The following HIVEP3 variants were observed in gnomAD, a reference collection of about 807,000 sequenced individuals.
HIVEP3 encodes the protein HIVEP zinc finger 3.
In HIVEP3, 49 loss-of-function variants were observed where a neutral mutation model predicts 152.8. The observed-to-expected ratio is 0.32, with a 90% confidence interval of 0.26 to 0.41. The LOEUF is 0.41. Among genes scored for constraint, HIVEP3 ranks in the 10% least tolerant of loss-of-function variants. The probability of loss-of-function intolerance (pLI) is 1.00; values close to 1 mark genes in which losing one functional copy is unlikely to be tolerated. For missense variants in HIVEP3, 2,790 were observed against 3,103.3 expected, an observed-to-expected ratio of 0.90 and a Z score of 2.40; for synonymous variants, 1,269 against 1,289.0, an observed-to-expected ratio of 0.98 and a Z score of 0.33.
intron 1 of HIVEP3, among the ~76,000 whole-genome samples, chr1:41,907,821 G>C (rs1644738388): frequency 6.6e-6 from 1 of 152,214 alleles, no homozygotes; most frequent in Non-Finnish European, 1.5e-5. Flanking sequence ...CATGGAAGTT[G>C]AGTTCAGCCA....
At chr1:41,549,129 T>C (rs1643869655) in intron 5 of HIVEP3, among the ~76,000 whole-genome samples, 1 of 151,872 alleles carries the variant, frequency 6.6e-6, no homozygotes. Flanking sequence ...CGGTATTTCG[T>C]TCTCTGTCCT....
intron 1 of HIVEP3, among the ~76,000 whole-genome samples, chr1:41,739,989 C>T (rs1269250403): frequency 1.3e-5 from 2 of 152,198 alleles, no homozygotes; most frequent in Non-Finnish European, 2.9e-5. Flanking sequence ...CACGGCATAA[C>T]CAGGAAGTTG....
intron 1 of HIVEP3, among the ~76,000 whole-genome samples, chr1:41,810,457 A>G (rs756384629): frequency 1.1e-4 from 16 of 152,200 alleles, no homozygotes; most frequent in Non-Finnish European, 1.6e-4. Context: ...ACAAATGTCC[A>G]TCTTAGGTCC....
At chr1:41,524,992 A>G in intron 5 of HIVEP3, 82 bp from the exon 6 acceptor site, 2 of 1,282,878 alleles carry the variant, frequency 1.6e-6, no homozygotes, top group East Asian at 2.3e-5. Context: ...CGCGCTTCCT[A>G]GATTCATCCA....
Position 41,796,462 on chromosome 1 carries a change from C to T in HIVEP3, c.-800-95467G>A, listed in dbSNP as rs1182678132. Among the ~76,000 whole-genome samples, 6 of 152,232 alleles carry T rather than the reference C, an allele frequency of 3.9e-5. No homozygotes were observed. The East Asian group carries it at 9.6e-4, about 24-fold the overall frequency. The stretch of plus-strand genomic sequence containing the variant: ...GCCCTGCCACTAACTACCTCCTGGT[C>T]GATTCTTTTTCCGTAAAATGAGGGG... On this transcript the variant is annotated intron_variant, in intron 1 of 8. Coordinates refer to ENST00000372583, the MANE Select transcript of HIVEP3 (RefSeq NM_024503.5).
intron 1 of HIVEP3, among the ~76,000 whole-genome samples, chr1:41,897,937 GGGAGAGA>G (rs1644556886): frequency 3.8e-5 from 4 of 104,818 alleles, no homozygotes; most frequent in African/African-American, 1.2e-4. Context: ...CTGAGAGAGA[GGGAGAGA>G]GAGAGAGAGA....
intron 1 of HIVEP3, among the ~76,000 whole-genome samples, chr1:41,810,945 T>G (rs577598623): frequency 1.3e-5 from 2 of 152,372 alleles, no homozygotes; most frequent in East Asian, 3.9e-4. Context: ...CCTTTGGATC[T>G]TGCCTGTCCT....
intron 1 of HIVEP3, among the ~76,000 whole-genome samples, chr1:41,757,168 C>T (rs954573712): frequency 1.3e-5 from 2 of 150,150 alleles, no homozygotes; most frequent in African/African-American, 2.4e-5. Flanking sequence ...CAGGCTGGAG[C>T]GCAGTGGCGT....
rs146729329 is a variant in HIVEP3 at position 41,584,530 on chromosome 1, C to T, written c.268G>A (p.Val90Ile). Residue 90 changes from valine to isoleucine, a missense_variant, in exon 4 of 9, where the codon GTC (valine) becomes ATC (isoleucine). Val to Ile is a conservative substitution (Grantham distance 29). Around this residue, in one of 9 missense-constraint regions of HIVEP3, gnomAD observed 209 missense variants for 237.0 expected, o/e 0.88. Coordinates refer to ENST00000372583, the MANE Select transcript of HIVEP3 (RefSeq NM_024503.5). This position sits in a 1 kb window ranked among gnomAD's most constrained non-coding sequence, Gnocchi z 5.2. ...PPKRPPIEAS[V>I]HISQLPQHPL... ...TGCTGCGGAAGCTGTGAGATGTGGA[C>T]GGATGCTTCGATGGGGGGCCTTTTG... 122 of 1,613,896 alleles carry T rather than the reference C, an allele frequency of 7.6e-5. No homozygotes were observed. The highest frequency in any genetic ancestry group is 1.6e-4 in the Middle Eastern group (1 of 6,084).
At chr1:41,848,437 G>C (rs1570660596) in intron 1 of HIVEP3, 1 of 152,216 alleles carries the variant, frequency 6.6e-6, no homozygotes, top group Non-Finnish European at 1.5e-5. Context: ...TCTTGGTCAT[G>C]GCTGGTACCT....
chr1:41,922,585 G>A (rs1178699059), upstream of HIVEP3, among the ~76,000 whole-genome samples: 2 of 152,068 alleles, frequency 1.3e-5, no homozygotes, highest in Non-Finnish European at 2.9e-5. Context: ...AACAAAATAT[G>A]TGGTCAAATA....
At chr1:41,539,910 A>G (rs1353107003) in intron 5 of HIVEP3, among the ~76,000 whole-genome samples, 3 of 152,252 alleles carry the variant, frequency 2.0e-5, no homozygotes, top group African/African-American at 7.2e-5. Context: ...CAGAAATTAT[A>G]TCGTAGAAAC....
At chr1:41,957,752 T>C (rs182823405) in intron 1 of HIVEP3, among the ~76,000 whole-genome samples, 101 of 152,242 alleles carry the variant, frequency 6.6e-4, no homozygotes, top group South Asian at 3.3e-3. Context: ...AATCCAAAAA[T>C]CCTTCTAGAT....
Position 42,016,198 on chromosome 1 carries a change from T to C in HIVEP3, n.119+19609A>G, listed in dbSNP as rs1645521678. On this transcript the variant is annotated intron_variant and non_coding_transcript_variant, in intron 1 of 3. Transcript: ENST00000489103. Reference sequence around the variant, plus strand: ...AGAAAAAGGTCGAGTTTCCACGTTTTATTCTCTATGTGCTCCTCATTGTTT... The same window carrying C: ...AGAAAAAGGTCGAGTTTCCACGTTTCATTCTCTATGTGCTCCTCATTGTTT... Among the ~76,000 whole-genome samples, 3 of 152,358 alleles carry C rather than the reference T, an allele frequency of 2.0e-5. No individual in the cohort carries two copies. The South Asian group carries it at 6.2e-4, about 32-fold the overall frequency.
rs559780550 is a variant in HIVEP3 at position 41,986,642 on chromosome 1, G to A, written n.119+49165C>T. On this transcript the variant is annotated intron_variant and non_coding_transcript_variant, in intron 1 of 3. Transcript: ENST00000489103. ...TTTTTAGTAGAGACAGGGTTTCACC[G>A]TGTTAGCCAGGATGGTCTCGATCTC... Among the ~76,000 whole-genome samples the A allele has an allele frequency of 9.9e-5, 15 of 152,028 alleles. No homozygotes were observed. The South Asian group carries it at 2.7e-3, about 27-fold the overall frequency.
At chr1:41,784,084 T>C (rs1649206356) in intron 1 of HIVEP3, among the ~76,000 whole-genome samples, 2 of 152,114 alleles carry the variant, frequency 1.3e-5, no homozygotes, top group African/African-American at 2.4e-5. Flanking sequence ...GACAGGCACA[T>C]GACAATCAGG....
At chr1:41,702,866 A>G (rs964863096) in intron 1 of HIVEP3, among the ~76,000 whole-genome samples, 130 of 152,310 alleles carry the variant, frequency 8.5e-4, no homozygotes, top group African/African-American at 3.0e-3. Flanking sequence ...GAAAAACCCC[A>G]ACAGATGTCC....
Position 41,700,905 on chromosome 1 carries a change from G to A in HIVEP3, c.-721+11C>T. 1 of 980,058 alleles carries A rather than the reference G, an allele frequency of 1.0e-6. No homozygotes were observed. Among genetic ancestry groups the A allele is most frequent in the African/African-American group, 1.7e-5 (1 of 57,202 alleles). The allele number at this position is 980,058 out of a possible 1,614,324, so 60.7% of individuals were successfully genotyped here. ...CTGCCCTGTGTCCTGTGGGGGATGG[G>A]GAGGGCTCACCTGCCAAAAACCAGC... On this transcript the variant is annotated intron_variant, in intron 2 of 8. Transcript: ENST00000372583.
chr1:41,886,755 A>AGG (rs1644354726), intron 1 of HIVEP3, among the ~76,000 whole-genome samples: 1 of 151,504 alleles, frequency 6.6e-6, no homozygotes, highest in African/African-American at 2.4e-5. Flanking sequence ...AAAGAAAAGA[A>AGG]AAAAGAACTA....
Sources: gnomAD v4.1 joint callset for allele counts (sites outside exome capture counted in the v4.1 genomes callset) on GRCh38, gnomAD v4.1.1 for gene constraint, gnomAD v4.1.1 regional missense constraint, Gnocchi (gnomAD v3.1) non-coding constraint, MANE v1.5 for transcripts, NCBI Gene and HGNC (gene_info 2026-07-23, HGNC 2026-07-21) for gene names.